LPA: variants seen among roughly 807,000 people sequenced by gnomAD.
LPA encodes lipoprotein(a), also known as apolipoprotein(a).
A neutral mutation model predicts 197.9 loss-of-function variants in LPA; 199 were observed. The ratio of observed to expected loss-of-function variants is 1.01; its 90% CI spans 0.90 to 1.13. LPA has a LOEUF of 1.13. Among genes scored for constraint, LPA ranks in the 50% most tolerant of loss-of-function variants. The probability of loss-of-function intolerance (pLI) is 0.00; values close to 1 mark genes in which losing one functional copy is unlikely to be tolerated. For missense variants in LPA, 1,853 were observed against 1,785.8 expected, an observed-to-expected ratio of 1.04 and a Z score of -0.68; for synonymous variants, 715 against 639.5, an observed-to-expected ratio of 1.12 and a Z score of -1.78.
intron 1 of LPA, among the ~76,000 whole-genome samples, chr6:160,659,120 C>G (rs963339465): frequency 1.3e-5 from 2 of 152,136 alleles, no homozygotes; most frequent in African/African-American, 2.4e-5. Flanking sequence ...CAGGAAGGAT[C>G]CAGCACAGGA....
chr6:160,593,235 G>A (rs922483998), intron 22 of LPA, among the ~76,000 whole-genome samples: 4 of 152,146 alleles, frequency 2.6e-5, no homozygotes, highest in South Asian at 4.1e-4. Context: ...CCAGGGACAT[G>A]ATAAGGTTGA....
At chr6:160,580,218 T>C (rs906171213) in intron 26 of LPA, among the ~76,000 whole-genome samples, 3 of 152,250 alleles carry the variant, frequency 2.0e-5, no homozygotes, top group Admixed American at 2.0e-4. Context: ...ACTTGTTCCT[T>C]GTTGATGAAT....
chr6:160,538,815 C>G (rs1354270552), intron 36 of LPA, among the ~76,000 whole-genome samples: 3 of 152,084 alleles, frequency 2.0e-5, no homozygotes, highest in Admixed American at 2.0e-4. Flanking sequence ...GGTGGGAACT[C>G]TAAACTCAAA....
intron 36 of LPA, 93 bp from the exon 37 acceptor site, chr6:160,538,054 C>T (rs1299390675): frequency 9.7e-7 from 1 of 1,029,894 alleles, no homozygotes; most frequent in Non-Finnish European, 1.5e-6. Context: ...CCCCAGAGCC[C>T]TCTGAGCTGG....
In LPA at chr6:160,545,517, T is replaced by A; in HGVS notation, c.5321A>T (p.Asp1774Val). ...GLEKNYCRNP[D>V]GDINGPWCYT... ...GCACCAGGGACCATTGATGTCACCA[T>A]CAGGGTTACGGCAGTACTGAAAACA... The change falls in exon 33 of 39, where the codon GAT (aspartate) becomes GTT (valine). Residue 1774 changes from aspartate (D) to valine (V), a missense_variant. Coordinates refer to ENST00000316300, the MANE Select transcript of LPA (RefSeq NM_005577.4). The A allele has an allele frequency of 6.2e-7, 1 of 1,612,910 alleles. No homozygotes were observed. The highest frequency in any genetic ancestry group is 8.5e-7 in the Non-Finnish European group (1 of 1,179,036).
At chr6:160,589,847 G>T in intron 23 of LPA, 135 bp from the exon 24 acceptor site, 1 of 963,704 alleles carries the variant, frequency 1.0e-6, no homozygotes, top group Non-Finnish European at 1.6e-6. Context: ...GTAGGCAGAT[G>T]GACATGCCAA....
chr6:160,657,915 G>T (rs1423002080), intron 1 of LPA, among the ~76,000 whole-genome samples: 1 of 152,020 alleles, frequency 6.6e-6, no homozygotes, highest in African/African-American at 2.4e-5. Context: ...CCTCCTCATG[G>T]GTCACACTCT....
At chr6:160,571,313 T>C (rs559956304) in intron 28 of LPA, among the ~76,000 whole-genome samples, 1 of 152,306 alleles carries the variant, frequency 6.6e-6, no homozygotes, top group East Asian at 1.9e-4. Flanking sequence ...TGTTAGAACA[T>C]GCTCCTTTAG....
At chr6:160,569,839 A>G (rs966020118) in intron 28 of LPA, among the ~76,000 whole-genome samples, 2 of 152,208 alleles carry the variant, frequency 1.3e-5, no homozygotes, top group African/African-American at 4.8e-5. Context: ...TTAACAGACA[A>G]TTCTCAAAAG....
intron 4 of LPA, among the ~76,000 whole-genome samples, chr6:160,643,083 A>AATTTGTGTGTGT (rs1332336973): frequency 5.9e-4 from 77 of 131,014 alleles, no homozygotes; most frequent in African/African-American, 1.9e-3. Flanking sequence ...GTGTGTTTTC[A>AATTTGTGTGTGT]GTGTGTGTGT....
At chr6:160,561,668 C>A (rs1300342189) in intron 28 of LPA, among the ~76,000 whole-genome samples, 1 of 152,128 alleles carries the variant, frequency 6.6e-6, no homozygotes, top group Non-Finnish European at 1.5e-5. Context: ...GGCAGTATGG[C>A]AATTTTCACA....
chr6:160,650,234 T>C, intron 2 of LPA, 104 bp downstream of exon 2: 5 of 1,125,952 alleles, frequency 4.4e-6, no homozygotes, highest in Admixed American at 1.7e-5. Context: ...ATGCATTCTA[T>C]GTGTGAGAAA....
At chr6:160,658,983 G>T (rs778032127) in intron 1 of LPA, among the ~76,000 whole-genome samples, 2 of 151,800 alleles carry the variant, frequency 1.3e-5, no homozygotes, top group Admixed American at 6.6e-5. Flanking sequence ...TCACACAAAG[G>T]GGAGCTTATT....
intron 16 of LPA, among the ~76,000 whole-genome samples, chr6:160,611,163 C>A (rs553568989): frequency 6.6e-6 from 1 of 152,096 alleles, no homozygotes; most frequent in Non-Finnish European, 1.5e-5. Flanking sequence ...CATAAACTTT[C>A]CTCATGAGCC....
At chr6:160,605,999 T>C (rs547798346) in intron 17 of LPA, among the ~76,000 whole-genome samples, 2 of 152,316 alleles carry the variant, frequency 1.3e-5, no homozygotes, top group South Asian at 4.1e-4. Context: ...TACTGCTCCA[T>C]AGAACCAGGG....
intron 16 of LPA, 102 bp downstream of exon 16, chr6:160,611,460 C>G: frequency 1.3e-6 from 2 of 1,545,744 alleles, no homozygotes; most frequent in South Asian, 2.2e-5. Flanking sequence ...CCATCTGAAT[C>G]TGACACAAGT....
At chr6:160,602,732 T>C (rs1159482754) in intron 18 of LPA, among the ~76,000 whole-genome samples, 2 of 152,246 alleles carry the variant, frequency 1.3e-5, no homozygotes, top group Admixed American at 6.5e-5. Context: ...TATGCATTTA[T>C]CCAACATGGA....
intron 2 of LPA, among the ~76,000 whole-genome samples, chr6:160,647,975 A>C (rs1333770003): frequency 6.6e-6 from 1 of 152,132 alleles, no homozygotes; most frequent in African/African-American, 2.4e-5. Flanking sequence ...TTAATTCCTT[A>C]GGGTCACCTC....
Position 160,650,480 on chromosome 6 carries a change from G to A in LPA, c.67C>T (p.His23Tyr), listed in dbSNP as rs1562352980. ...FLKSAAPEQS[H>Y]VVQDCYHGDG... ...CCATGGTAGCAATCCTGGACCACAT[G>A]GCTTTGCTCAGGTGCTGCTAAAATT... Residue 23 changes from histidine (H) to tyrosine (Y), a missense_variant, in exon 2 of 39, where the codon CAT (histidine) becomes TAT (tyrosine). Coordinates refer to ENST00000316300, the MANE Select transcript of LPA (RefSeq NM_005577.4). 2 of 1,613,618 alleles carry A rather than the reference G, an allele frequency of 1.2e-6. No homozygotes were observed. Among genetic ancestry groups the A allele is most frequent in the Non-Finnish European group, 1.7e-6 (2 of 1,179,696 alleles).
Sources: allele counts gnomAD v4.1 joint callset (sites outside exome capture counted in the v4.1 genomes callset), GRCh38; gene constraint gnomAD v4.1.1; transcripts MANE v1.5; gene names NCBI Gene and HGNC (gene_info 2026-07-23, HGNC 2026-07-21).